RELN: variants seen among roughly 807,000 people sequenced by gnomAD.
RELN encodes reelin.
RELN carries 108 observed loss-of-function variants against 427.6 expected under a neutral mutation model. The observed-to-expected ratio is 0.25, with a 90% confidence interval of 0.22 to 0.30. The LOEUF is 0.30. Among genes scored for constraint, RELN ranks in the 10% least tolerant of loss-of-function variants. The pLI is 1.00. For synonymous variants in RELN, 1,524 were observed against 1,513.4 expected (o/e 1.01, Z -0.16); for missense variants, 3,715 against 4,302.8 (o/e 0.86, Z 3.82).
Position 103,496,510 on chromosome 7 carries a change from A to T in RELN, c.9193+16T>A, listed in dbSNP as rs186738390. 19 of 1,614,048 alleles carry T rather than the reference A, an allele frequency of 1.2e-5. No homozygotes were observed. In the East Asian group the frequency reaches 4.0e-4, roughly 34 times the overall value. On this transcript the variant is annotated intron_variant, in intron 56 of 64. Coordinates refer to ENST00000428762, the MANE Select transcript of RELN (RefSeq NM_005045.4). ...GGCTCACAGGAAAGAAAATTGTTCA[A>T]TGTCTTGTTTCTTACCATCATCAAA...
intron 6 of RELN, among the ~76,000 whole-genome samples, chr7:103,739,507 T>C (rs934249013): frequency 1.3e-5 from 2 of 152,228 alleles, no homozygotes; most frequent in African/African-American, 4.8e-5. Flanking sequence ...CATTCATTTG[T>C]GCTCTCCCTC....
intron 2 of RELN, among the ~76,000 whole-genome samples, chr7:103,883,912 C>T (rs1794665917): frequency 6.6e-6 from 1 of 152,118 alleles, no homozygotes; most frequent in South Asian, 2.1e-4. Context: ...TGACTTTCTT[C>T]ACAAAATTAG....
chr7:103,668,461 G>C, intron 11 of RELN, among the ~76,000 whole-genome samples: 1 of 152,068 alleles, frequency 6.6e-6, no homozygotes, highest in East Asian at 1.9e-4. Context: ...AAGGGTAAGT[G>C]GCTTGCCTAA....
At chr7:103,817,937 C>CAAAAAAAA (rs71154371) in intron 3 of RELN, among the ~76,000 whole-genome samples, 11 of 36,010 alleles carry the variant, frequency 3.1e-4, no homozygotes, top group South Asian at 1.2e-3. Flanking sequence ...GACTCCATCT[C>CAAAAAAAA]AAAAAAAAAA....
chr7:103,989,317 C>T lies in RELN; in HGVS notation c.40G>A (p.Ala14Thr), dbSNP rs147551940. 25 of 1,590,766 alleles carry T rather than the reference C, an allele frequency of 1.6e-5. No individual in the cohort carries two copies. Among genetic ancestry groups the T allele is most frequent in the African/African-American group, 2.7e-5 (2 of 74,134 alleles). The change falls in exon 1 of 65, where the codon GCG becomes ACG. Residue 14 changes from alanine to threonine, a missense_variant. By Grantham distance (58) the Ala-to-Thr change is moderately conservative (BLOSUM62 0). Around this residue, in one of 4 missense-constraint regions of RELN, gnomAD observed 2,208 missense variants for 2,361.7 expected, o/e 0.93. Transcript: ENST00000428762. This position sits in a 1 kb window ranked among gnomAD's most constrained non-coding sequence, Gnocchi z 4.9. ...CTCAGCGTCGCCCCCAGCAACAGCG[C>T]TAGGAGGAAAGTCTGCCGGGCCCAG... ...SGWARQTFLLALLLGATLRAR... is the reference protein window; with the variant it reads ...SGWARQTFLLTLLLGATLRAR...
At chr7:103,741,480 T>C (rs979587113) in intron 6 of RELN, among the ~76,000 whole-genome samples, 3 of 151,944 alleles carry the variant, frequency 2.0e-5, no homozygotes, top group South Asian at 2.1e-4. Context: ...ATTTTAATAA[T>C]AATAATGTTT....
intron 2 of RELN, among the ~76,000 whole-genome samples, chr7:103,844,088 T>C (rs1793620085): frequency 6.6e-6 from 1 of 152,110 alleles, no homozygotes; most frequent in South Asian, 2.1e-4. Flanking sequence ...CAACCCAACT[T>C]CCAGTTTAGG....
intron 2 of RELN, among the ~76,000 whole-genome samples, chr7:103,836,026 G>A (rs1793397369): frequency 6.6e-6 from 1 of 150,466 alleles, no homozygotes; most frequent in Admixed American, 6.6e-5. Context: ...TGCAACCTTG[G>A]CTTACTGCAA....
chr7:103,666,242 T>C (rs1055184856), intron 11 of RELN, among the ~76,000 whole-genome samples: 2 of 152,010 alleles, frequency 1.3e-5, no homozygotes, highest in African/African-American at 2.4e-5. Context: ...GTAATTTTTG[T>C]ATTTTTCCTT....
chr7:103,557,649 A>G (rs558567222), intron 37 of RELN, among the ~76,000 whole-genome samples: 12 of 152,314 alleles, frequency 7.9e-5, no homozygotes, highest in African/African-American at 2.2e-4. Flanking sequence ...TTCATAAGTT[A>G]AACATTTTAA....
At chr7:103,938,251 T>C (rs1453631888) in intron 1 of RELN, among the ~76,000 whole-genome samples, 2 of 151,544 alleles carry the variant, frequency 1.3e-5, no homozygotes, top group East Asian at 1.9e-4. Flanking sequence ...ACCCAGGAGG[T>C]GGAGGTTGCA....
At chr7:103,524,888 T>G (rs1242469858) in intron 46 of RELN, among the ~76,000 whole-genome samples, 1 of 152,158 alleles carries the variant, frequency 6.6e-6, no homozygotes, top group Non-Finnish European at 1.5e-5. Flanking sequence ...GAGTGATCTC[T>G]GCCTAATAAA....
At chr7:103,816,111 G>T (rs1162439372) in intron 3 of RELN, among the ~76,000 whole-genome samples, 2 of 152,226 alleles carry the variant, frequency 1.3e-5, no homozygotes, top group Non-Finnish European at 2.9e-5. Context: ...AGGTGCCATG[G>T]CTCATGCCTA....
chr7:103,907,080 T>C (rs1451908355), intron 2 of RELN, among the ~76,000 whole-genome samples: 2 of 152,152 alleles, frequency 1.3e-5, no homozygotes, highest in Non-Finnish European at 2.9e-5. Context: ...GAAGTAGTGA[T>C]ATATGTTATG....
chr7:103,675,717 G>A (rs189041122), intron 11 of RELN, among the ~76,000 whole-genome samples: 73 of 152,124 alleles, frequency 4.8e-4, no homozygotes, highest in Non-Finnish European at 6.3e-4. Context: ...AGAACAGAGC[G>A]CTTAGAAATA....
intron 2 of RELN, among the ~76,000 whole-genome samples, chr7:103,837,247 ACATGATCATGT>A (rs1463330741): frequency 6.6e-6 from 1 of 152,172 alleles, no homozygotes; most frequent in Non-Finnish European, 1.5e-5. Flanking sequence ...TAAAAGGCAT[ACATGATCATGT>A]CAATCCCTGT....
At chr7:103,736,426 T>A (rs1002636518) in intron 6 of RELN, among the ~76,000 whole-genome samples, 27 of 152,200 alleles carry the variant, frequency 1.8e-4, no homozygotes, top group African/African-American at 6.0e-4. Context: ...AATATTACCT[T>A]CAACTATGTC....
rs1796373911 is a variant in RELN, at chr7:103,953,525, C to A, written c.226+35606G>T. On this transcript the variant is annotated intron_variant, in intron 1 of 64. Coordinates refer to ENST00000428762, the MANE Select transcript of RELN (RefSeq NM_005045.4). This position sits in a 1 kb window ranked among gnomAD's most constrained non-coding sequence, Gnocchi z 4.3. Reference sequence around the variant, plus strand: ...AGGCACTGGTAGGGGGACATACACACACACAGAATTTTATATAAAGAATAT... The same window carrying A: ...AGGCACTGGTAGGGGGACATACACAAACACAGAATTTTATATAAAGAATAT... 1.3e-5 allele frequency among the ~76,000 whole-genome samples: 2 copies of A among 152,212 alleles called. No homozygotes were observed. The highest frequency in any genetic ancestry group is 4.8e-5 in the African/African-American group (2 of 41,450).
chr7:103,960,344 A>G (rs1796523861), intron 1 of RELN, among the ~76,000 whole-genome samples: 1 of 152,148 alleles, frequency 6.6e-6, no homozygotes, highest in African/African-American at 2.4e-5. Flanking sequence ...TGCTCTAGTG[A>G]GCTGCAAGCT....
Sources: gnomAD v4.1 joint callset for allele counts (sites outside exome capture counted in the v4.1 genomes callset) on GRCh38, gnomAD v4.1.1 for gene constraint, gnomAD v4.1.1 regional missense constraint, Gnocchi (gnomAD v3.1) non-coding constraint, MANE v1.5 for transcripts, NCBI Gene and HGNC (gene_info 2026-07-23, HGNC 2026-07-21) for gene names.